The following KCNQ1 variants were observed in gnomAD, a reference collection of about 807,000 sequenced individuals.
KCNQ1 encodes the protein potassium voltage-gated channel subfamily KQT member 1.
Under a neutral mutation model 72.4 loss-of-function variants are expected in KCNQ1, and 49 were observed. That is an observed-to-expected ratio of 0.68 (90% CI 0.54 to 0.86). The LOEUF (loss-of-function observed/expected upper bound fraction) is 0.86, where lower values mean the gene tolerates loss of function less well. Ranked by LOEUF, KCNQ1 falls within the 40% of genes least tolerant of loss-of-function variation. The pLI is 0.00. For synonymous variants in KCNQ1, 450 were observed against 412.6 expected (o/e 1.09, Z -1.10); for missense variants, 790 against 945.1 (o/e 0.84, Z 2.15).
At chr11:2,763,236 T>C (rs1385759649) in intron 11 of KCNQ1, among the ~76,000 whole-genome samples, 1 of 152,170 alleles carries the variant, frequency 6.6e-6, no homozygotes, top group African/African-American at 2.4e-5. Context: ...TGCTCAGTGC[T>C]TTTCTGTGTA....
chr11:2,622,355 T>C, intron 10 of KCNQ1: 1 of 398,362 alleles, frequency 2.5e-6, no homozygotes. Context: ...CTTTTATTAG[T>C]ATAATTACCT....
At chr11:2,731,512 C>T (rs937003005) in intron 11 of KCNQ1, among the ~76,000 whole-genome samples, 1 of 152,226 alleles carries the variant, frequency 6.6e-6, no homozygotes, top group East Asian at 1.9e-4. Flanking sequence ...GGCCATCTCT[C>T]GGGACAGGAG....
chr11:2,451,566 G>A lies in KCNQ1; in HGVS notation c.386+6082G>A, dbSNP rs933087279. Among the ~76,000 whole-genome samples, 1 of 152,226 alleles carries A rather than the reference G, an allele frequency of 6.6e-6. No individual in the cohort carries two copies. The highest frequency in any genetic ancestry group is 6.5e-5 in the Admixed American group (1 of 15,290). ...TCCCAGGCACTGGGTGGATGGACCA[G>A]CAGAAAGGCTCCCAGGAGGGTCGTG... On this transcript the variant is annotated intron_variant, in intron 1 of 15. Transcript: ENST00000155840. This position sits in a 1 kb window ranked among gnomAD's most constrained non-coding sequence, Gnocchi z 6.4.
rs576565196 is a variant in KCNQ1, at chr11:2,715,524, G to A, written c.1515-53320G>A. Among the ~76,000 whole-genome samples the A allele has an allele frequency of 2.0e-5, 3 of 152,200 alleles. No homozygotes were observed. In the East Asian group the frequency reaches 5.8e-4, roughly 29 times the overall value. Reference sequence around the variant, plus strand: ...GGAAGAGAGCAGCCAGGTAGACTTCGTTTCCAGCCGGAGTGTACCTGGGGA... The same window carrying A: ...GGAAGAGAGCAGCCAGGTAGACTTCATTTCCAGCCGGAGTGTACCTGGGGA... On this transcript the variant is annotated intron_variant, in intron 11 of 15. Coordinates refer to ENST00000155840, the MANE Select transcript of KCNQ1 (RefSeq NM_000218.3). This position sits in a 1 kb window ranked among gnomAD's most constrained non-coding sequence, Gnocchi z 4.9.
chr11:2,674,568 G>A lies in KCNQ1; in HGVS notation c.1514+12487G>A. The A allele has an allele frequency of 5.0e-6, 2 of 398,626 alleles. No individual in the cohort carries two copies. The allele number at this position is 398,626 out of a possible 1,614,324, so 24.7% of individuals were successfully genotyped here. On this transcript the variant is annotated intron_variant, in intron 11 of 15. Transcript: ENST00000155840. This position sits in a 1 kb window ranked among gnomAD's most constrained non-coding sequence, Gnocchi z 5.9. ...ACAAATACCTCGAGTGAGTGAATCTGAAGCATGCTAGTTGTGTTGCCTTTT... is the reference window on the plus strand; with the variant it reads ...ACAAATACCTCGAGTGAGTGAATCTAAAGCATGCTAGTTGTGTTGCCTTTT...
intron 2 of KCNQ1, among the ~76,000 whole-genome samples, chr11:2,548,110 G>A (rs770275386): frequency 2.4e-4 from 37 of 152,280 alleles, no homozygotes; most frequent in Non-Finnish European, 5.1e-4. Flanking sequence ...ACTTAACGCC[G>A]CCCCTCTGAC....
In KCNQ1 at chr11:2,703,008, TGA is replaced by T. The variant is rs1246672803; in HGVS notation, c.1514+40931_1514+40932del. ...AGTGGAGAGGAAAACAGGCCGAGAC[TGA>T]GAGGGGTTTGTTGTCTCGTCGGGCG... On this transcript the variant is annotated intron_variant, in intron 11 of 15. Transcript: ENST00000155840. This position sits in a 1 kb window ranked among gnomAD's most constrained non-coding sequence, Gnocchi z 6.4. Among the ~76,000 whole-genome samples the T allele has an allele frequency of 6.6e-6, 1 of 152,010 alleles. No individual in the cohort carries two copies. Among genetic ancestry groups the T allele is most frequent in the Non-Finnish European group, 1.5e-5 (1 of 67,998 alleles).
chr11:2,523,203 T>A (rs963646812), intron 1 of KCNQ1, among the ~76,000 whole-genome samples: 1 of 151,928 alleles, frequency 6.6e-6, no homozygotes, highest in African/African-American at 2.4e-5. Flanking sequence ...ATTTAATTTT[T>A]TTTTTTTTGT....
chr11:2,830,188 G>T lies in KCNQ1; in HGVS notation c.1795-17579G>T, dbSNP rs1011851839. On this transcript the variant is annotated intron_variant, in intron 15 of 15. Transcript: ENST00000155840. This position sits in a 1 kb window ranked among gnomAD's most constrained non-coding sequence, Gnocchi z 7.7. ...GACCAGCAGGCCCTTTACACCGTGG[G>T]CACAGGCTCAGGACTGGCTGGGTGC... Among the ~76,000 whole-genome samples the T allele has an allele frequency of 2.6e-4, 39 of 152,266 alleles. No homozygotes were observed. Among genetic ancestry groups the T allele is most frequent in the African/African-American group, 8.9e-4 (37 of 41,548 alleles).
In KCNQ1 at chr11:2,824,524, T is replaced by C. The variant is rs951489889; in HGVS notation, c.1795-23243T>C. ...ACGTGGAGGTGTTTGCCCGGCAGTT[T>C]AGGCTGCAAGGCTCAGCAGGGAGAT... On this transcript the variant is annotated intron_variant, in intron 15 of 15. Transcript: ENST00000155840. The surrounding 1 kb of genome is among the most constrained non-coding windows in gnomAD (Gnocchi z 5.9). 2.6e-5 allele frequency among the ~76,000 whole-genome samples: 4 copies of C among 152,094 alleles called. No individual in the cohort carries two copies. In the South Asian group the frequency reaches 8.3e-4, roughly 32 times the overall value.
In KCNQ1 at chr11:2,446,452, C is replaced by T. The variant is rs1276614738; in HGVS notation, c.386+968C>T. Among the ~76,000 whole-genome samples the T allele has an allele frequency of 1.3e-5, 2 of 152,192 alleles. No homozygotes were observed. The highest frequency in any genetic ancestry group is 6.5e-5 in the Admixed American group (1 of 15,292). On this transcript the variant is annotated intron_variant, in intron 1 of 15. Transcript: ENST00000155840. The surrounding 1 kb of genome is among the most constrained non-coding windows in gnomAD (Gnocchi z 8.8). ...CTGAAGGGTGGTCTCCCTGAGCGTC[C>T]TCAGGTGGAAGCATCTCCTCTGCCT... is the stretch of plus-strand genomic sequence containing the variant.
At chr11:2,504,510 C>G (rs1847068763) in intron 1 of KCNQ1, among the ~76,000 whole-genome samples, 1 of 152,162 alleles carries the variant, frequency 6.6e-6, no homozygotes, top group African/African-American at 2.4e-5. Flanking sequence ...AATTTCAGCA[C>G]TTTGGGAGGC....
rs878914761 is a variant in KCNQ1, at chr11:2,611,775, C to T, written c.1393+22921C>T. 1 of 398,244 alleles carries T rather than the reference C, an allele frequency of 2.5e-6. No individual in the cohort carries two copies. Among genetic ancestry groups the T allele is most frequent in the Admixed American group, 4.4e-5 (1 of 22,694 alleles). 24.7% of individuals were successfully genotyped at this position (398,244 alleles called of 1,614,324 possible). On this transcript the variant is annotated intron_variant, in intron 10 of 15. Transcript: ENST00000155840. This position sits in a 1 kb window ranked among gnomAD's most constrained non-coding sequence, Gnocchi z 5.3. ...TATTTATTTTCTATATGTCTCATAT[C>T]ACTTTTGTTCCTCTCTTCCTCCTTT...
At chr11:2,665,763 T>C in intron 11 of KCNQ1, 1 of 398,482 alleles carries the variant, frequency 2.5e-6, no homozygotes, top group Non-Finnish European at 4.4e-6. Flanking sequence ...GGAGAAGCCC[T>C]AGGATTGCTG....
chr11:2,788,829 A>G (rs1446353437), intron 15 of KCNQ1, among the ~76,000 whole-genome samples: 2 of 152,128 alleles, frequency 1.3e-5, no homozygotes, highest in Non-Finnish European at 2.9e-5. Context: ...ATAAACCTAT[A>G]ATGAAAGCAG....
rs2134063994 is a variant in KCNQ1 at position 2,827,701 on chromosome 11, C to T, written c.1795-20066C>T. Among the ~76,000 whole-genome samples, 1 of 152,070 alleles carries T rather than the reference C, an allele frequency of 6.6e-6. No homozygotes were observed. Among genetic ancestry groups the T allele is most frequent in the African/African-American group, 2.4e-5 (1 of 41,474 alleles). On this transcript the variant is annotated intron_variant, in intron 15 of 15. Transcript: ENST00000155840. The surrounding 1 kb of genome is among the most constrained non-coding windows in gnomAD (Gnocchi z 6.7). ...GGCTGTTTTGCCAGAGGGAAAATTC[C>T]ACATGTGGCTTGGAGGCCAGACCAG...
At chr11:2,666,157 A>G in intron 11 of KCNQ1, 1 of 398,686 alleles carries the variant, frequency 2.5e-6, no homozygotes, top group Non-Finnish European at 4.4e-6. Flanking sequence ...TAGATGGGCA[A>G]GCCCCAGCTC....
chr11:2,589,431 G>A (rs1848642653), intron 10 of KCNQ1, among the ~76,000 whole-genome samples: 1 of 152,242 alleles, frequency 6.6e-6, no homozygotes, highest in African/African-American at 2.4e-5. Flanking sequence ...TGCGGGACCT[G>A]ACGATTGGAT....
At chr11:2,692,549 G>A (rs1419589280) in intron 11 of KCNQ1, 2 of 398,784 alleles carry the variant, frequency 5.0e-6, no homozygotes, top group Non-Finnish European at 8.8e-6. Flanking sequence ...CCCTTGGCCT[G>A]CCCCTGCCAC....
Sources: gnomAD v4.1 joint callset for allele counts (sites outside exome capture counted in the v4.1 genomes callset) on GRCh38, gnomAD v4.1.1 for gene constraint, Gnocchi (gnomAD v3.1) non-coding constraint, MANE v1.5 for transcripts, NCBI Gene and HGNC (gene_info 2026-07-23, HGNC 2026-07-21) for gene names.